CYP4A11: variants seen among roughly 807,000 people sequenced by gnomAD.
CYP4A11 encodes cytochrome P450 4A11.
Under a neutral mutation model 57.7 loss-of-function variants are expected in CYP4A11, and 52 were observed. That is an observed-to-expected ratio of 0.90 (90% CI 0.72 to 1.14). CYP4A11 has a LOEUF of 1.14. CYP4A11 is among the 50% of genes most tolerant of loss of function. The pLI, the probability that CYP4A11 is intolerant of heterozygous loss-of-function variation, is 0.00. For synonymous variants in CYP4A11, 228 were observed against 247.1 expected (o/e 0.92, Z 0.72); for missense variants, 641 against 642.1 (o/e 1.00, Z 0.02).
chr1:46,933,173 A>T, intron 9 of CYP4A11, 126 bp from the exon 10 acceptor site: 6 of 1,386,652 alleles, frequency 4.3e-6, no homozygotes, highest in Non-Finnish European at 5.0e-6. Flanking sequence ...TTTGACTGGG[A>T]TGATTCTGCC....
intron 1 of CYP4A11, among the ~76,000 whole-genome samples, chr1:46,939,883 C>T (rs1192208167): frequency 2.8e-5 from 4 of 145,442 alleles, no homozygotes. Context: ...GGTATTGGGA[C>T]CAGTCCATAT....
chr1:46,934,900 G>C (rs189415732), intron 6 of CYP4A11, 100 bp downstream of exon 6: 28 of 1,535,376 alleles, frequency 1.8e-5, no homozygotes, highest in South Asian at 7.7e-5. Context: ...TGTGTTCTGC[G>C]TTCTGCAGGG....
chr1:46,936,699 C>A lies in CYP4A11; in HGVS notation c.475G>T (p.Val159Leu). 1.2e-6 allele frequency: 2 copies of A among 1,613,304 alleles called. No individual in the cohort carries two copies. The highest frequency in any genetic ancestry group is 2.2e-5 in the South Asian group (2 of 90,904). ...CGTACAGAGTCTGCCATGAGCCCCA[C>A]ATAGGGCTTCAGGATGTCATAGTGG... Reference protein sequence around the residue: ...AFHYDILKPYVGLMADSVRVM... With the variant: ...AFHYDILKPYLGLMADSVRVM... The change falls in exon 4 of 12, where the codon GTG becomes TTG. Residue 159 changes from valine to leucine, a missense_variant. By Grantham distance (32) the Val-to-Leu change is conservative (BLOSUM62 1). Coordinates refer to ENST00000310638, the MANE Select transcript of CYP4A11 (RefSeq NM_000778.4).
intron 1 of CYP4A11, among the ~76,000 whole-genome samples, chr1:46,938,712 A>G (rs1183201301): frequency 6.6e-6 from 1 of 152,232 alleles, no homozygotes; most frequent in Non-Finnish European, 1.5e-5. Context: ...GAGTATATGC[A>G]TATGGTGCTG....
At chr1:46,935,467 A>G (rs1681325506) in intron 5 of CYP4A11, 56 bp downstream of exon 5, 1 of 1,546,496 alleles carries the variant, frequency 6.5e-7, no homozygotes. Context: ...CCCCTCAGGT[A>G]TGTGCACTCC....
Position 46,934,090 on chromosome 1 carries a change from T to C in CYP4A11, c.1089-11A>G, listed in dbSNP as rs1402804044. On this transcript the variant is annotated splice_polypyrimidine_tract_variant and intron_variant, in intron 8 of 11. Transcript: ENST00000310638. ...TGGTCCAGGTGGTTCCTGAAACAAT[T>C]CCATCCTGAACACCAGCAAGGCCTG... 5 of 1,612,252 alleles carry C rather than the reference T, an allele frequency of 3.1e-6. No individual in the cohort carries two copies. Among genetic ancestry groups the C allele is most frequent in the Non-Finnish European group, 4.2e-6 (5 of 1,179,352 alleles).
At chr1:46,930,351 G>T in intron 11 of CYP4A11, 41 bp from the exon 12 acceptor site, 1 of 1,577,916 alleles carries the variant, frequency 6.3e-7, no homozygotes, top group Non-Finnish European at 8.6e-7. Flanking sequence ...GTGTCCTCAG[G>T]CCCCATTCTG....
At chr1:46,932,196 G>A in intron 11 of CYP4A11, 1 of 993,864 alleles carries the variant, frequency 1.0e-6, no homozygotes, top group Non-Finnish European at 1.2e-6. Context: ...GACACACACT[G>A]TTGTAAAACT....
At chr1:46,934,106 G>A (rs1449304516) in intron 8 of CYP4A11, 27 bp from the exon 9 acceptor site, 1 of 1,611,122 alleles carries the variant, frequency 6.2e-7, no homozygotes, top group Non-Finnish European at 8.5e-7. Context: ...CTGAACACCA[G>A]CAAGGCCTGG....
intron 11 of CYP4A11, chr1:46,931,730 T>C (rs1681041561): frequency 1.5e-6 from 1 of 656,616 alleles, no homozygotes; most frequent in South Asian, 7.0e-5. Flanking sequence ...GGAAGCTTTT[T>C]CTTAAAGCCT....
At chr1:46,930,445 A>G (rs9333032) in intron 11 of CYP4A11, 135 bp from the exon 12 acceptor site, 15,951 of 1,000,890 alleles carry the variant, frequency 0.016, 821 homozygotes, top group African/African-American at 0.14. Context: ...CTGCACACAT[A>G]CAGCCCATGG....
intron 4 of CYP4A11, 98 bp downstream of exon 4, chr1:46,936,566 A>T: frequency 6.8e-7 from 1 of 1,468,890 alleles, no homozygotes. Flanking sequence ...CCATGTGTCT[A>T]TGTCTATGTC....
intron 1 of CYP4A11, 162 bp downstream of exon 1, chr1:46,941,077 C>T (rs1681719782): frequency 4.2e-6 from 4 of 953,484 alleles, no homozygotes; most frequent in Non-Finnish European, 5.0e-6. Context: ...GAAGTGAGCT[C>T]CTCATGACTG....
chr1:46,930,117 A>G lies in CYP4A11; in HGVS notation c.1558T>C (p.Ter520ArgextTer10). The stretch of plus-strand genomic sequence containing the variant: ...GACAGGACGGCAGGTGGAGGCCCTC[A>G]AAGCTGGTCCTTGTCTTCACAAGGG... ...PNPCEDKDQL[*>R] is the part of the protein sequence containing the mutation. The change falls in exon 12 of 12, where the codon TGA becomes CGA. Residue 520 changes from the stop codon to arginine (R), a stop_lost. Transcript: ENST00000310638. 6.2e-7 allele frequency: 1 copy of G among 1,609,142 alleles called. No individual in the cohort carries two copies. Among genetic ancestry groups the G allele is most frequent in the South Asian group, 1.1e-5 (1 of 90,410 alleles).
At chr1:46,931,753 T>C in intron 11 of CYP4A11, 3 of 667,436 alleles carry the variant, frequency 4.5e-6, no homozygotes, top group Non-Finnish European at 5.6e-6. Flanking sequence ...TCTGTGTAAG[T>C]GGACTCACCG....
rs1680914574 is a variant in CYP4A11 at position 46,930,045 on chromosome 1, A to C, written c.*70T>G. ...AAGAAGGGAAGGTGGGCAGACAGAA[A>C]ACAGGATATGGGCAGACAGGAAGGG... is the stretch of plus-strand genomic sequence containing the variant. On this transcript the variant is annotated 3_prime_UTR_variant, in exon 12 of 12. Coordinates refer to ENST00000310638, the MANE Select transcript of CYP4A11 (RefSeq NM_000778.4). 1.3e-6 allele frequency: 2 copies of C among 1,511,814 alleles called. No homozygotes were observed. Among genetic ancestry groups the C allele is most frequent in the Non-Finnish European group, 1.8e-6 (2 of 1,126,224 alleles). 93.6% of individuals were successfully genotyped at this position (1,511,814 alleles called of 1,614,324 possible).
Position 46,933,934 on chromosome 1 carries a change from G to A in CYP4A11, c.1222+12C>T. The A allele has an allele frequency of 6.2e-7, 1 of 1,614,040 alleles. No individual in the cohort carries two copies. The highest frequency in any genetic ancestry group is 8.5e-7 in the Non-Finnish European group (1 of 1,179,978). ...TGGAGAGTTTAGGTGAGAGGGTGGG[G>A]GAACTTCATACCTTTGGGCAAGGAG... On this transcript the variant is annotated intron_variant, in intron 9 of 11. Transcript: ENST00000310638.
chr1:46,937,926 A>T, intron 2 of CYP4A11, 70 bp downstream of exon 2: 1 of 1,591,506 alleles, frequency 6.3e-7, no homozygotes, highest in South Asian at 1.1e-5. Flanking sequence ...CTCTTCTGGA[A>T]TTTTACAGAC....
intron 1 of CYP4A11, among the ~76,000 whole-genome samples, chr1:46,940,276 G>C (rs549712004): frequency 6.6e-6 from 1 of 152,302 alleles, no homozygotes; most frequent in African/African-American, 2.4e-5. Flanking sequence ...GATAGCTGAT[G>C]AACTCAAAAA....
Sources: allele counts gnomAD v4.1 joint callset (sites outside exome capture counted in the v4.1 genomes callset), GRCh38; gene constraint gnomAD v4.1.1; transcripts MANE v1.5; gene names NCBI Gene and HGNC (gene_info 2026-07-23, HGNC 2026-07-21).